NXPE4: variants seen among roughly 807,000 people sequenced by gnomAD.
The protein encoded by NXPE4 is NXPE family member 4.
Under a neutral mutation model 33.3 loss-of-function variants are expected in NXPE4, and 42 were observed. The ratio of observed to expected loss-of-function variants is 1.26; its 90% CI spans 0.98 to 1.63. The LOEUF is 1.63. Ranked by LOEUF, NXPE4 falls within the 40% of genes most tolerant of loss-of-function variation. The pLI, the probability that NXPE4 is intolerant of heterozygous loss-of-function variation, is 0.00. For synonymous variants in NXPE4, 253 were observed against 234.9 expected, an observed-to-expected ratio of 1.08 and a Z score of -0.71; for missense variants, 709 against 647.6, an observed-to-expected ratio of 1.09 and a Z score of -1.03.
chr11:114,631,396 C>G, the NXPE4 span, among the ~76,000 whole-genome samples: 1 of 151,396 alleles, frequency 6.6e-6, no homozygotes, highest in Non-Finnish European at 1.5e-5. Flanking sequence ...AATTGGAAAT[C>G]ATCATTCTCA....
the NXPE4 span, among the ~76,000 whole-genome samples, chr11:114,614,020 T>C: frequency 6.6e-6 from 1 of 151,708 alleles, no homozygotes; most frequent in Non-Finnish European, 1.5e-5. Flanking sequence ...AAATAAGTAT[T>C]GTCTCGTGGG....
chr11:114,622,602 C>T, the NXPE4 span, among the ~76,000 whole-genome samples: 1 of 151,722 alleles, frequency 6.6e-6, no homozygotes, highest in Non-Finnish European at 1.5e-5. Flanking sequence ...AGCATTACCT[C>T]GTGGGTAAAC....
the NXPE4 span, among the ~76,000 whole-genome samples, chr11:114,647,891 G>A: frequency 4.6e-5 from 7 of 151,992 alleles, no homozygotes; most frequent in African/African-American, 1.7e-4. Flanking sequence ...TAGTAGAGAC[G>A]AGGTTTCACC....
At chr11:114,571,837 T>C (rs1448594405) in intron 5 of NXPE4, among the ~76,000 whole-genome samples, 3 of 152,162 alleles carry the variant, frequency 2.0e-5, no homozygotes, top group Non-Finnish European at 2.9e-5. Context: ...CTGCAGGCTC[T>C]CTGAGATGCT....
upstream of NXPE4, among the ~76,000 whole-genome samples, chr11:114,600,477 A>G (rs1354152568): frequency 1.3e-5 from 2 of 152,162 alleles, no homozygotes; most frequent in East Asian, 1.9e-4. Context: ...CATCACGTCT[A>G]TGGTATTCTT....
At chr11:114,632,747 TTATAA>T in the NXPE4 span, among the ~76,000 whole-genome samples, 1 of 18,062 alleles carries the variant, frequency 5.5e-5, no homozygotes, top group Non-Finnish European at 9.1e-5. Flanking sequence ...ATAAAATATA[TTATAA>T]TATATCATAT....
chr11:114,585,341 A>T (rs1312889050), intron 2 of NXPE4, among the ~76,000 whole-genome samples: 3 of 152,106 alleles, frequency 2.0e-5, no homozygotes, highest in African/African-American at 7.2e-5. Context: ...ATGGTTGAGT[A>T]GATTTTAAAA....
the NXPE4 span, among the ~76,000 whole-genome samples, chr11:114,635,790 C>G: frequency 6.6e-6 from 1 of 152,046 alleles, no homozygotes; most frequent in African/African-American, 2.4e-5. Context: ...TATATTGAAC[C>G]AGGCTTGCAT....
At chr11:114,590,020 C>T (rs901913869) in intron 2 of NXPE4, among the ~76,000 whole-genome samples, 1 of 152,210 alleles carries the variant, frequency 6.6e-6, no homozygotes, top group Admixed American at 6.5e-5. Context: ...TCCTGACTCT[C>T]AATACCTGTT....
the NXPE4 span, among the ~76,000 whole-genome samples, chr11:114,602,172 TATACTATATACATTATATATAATATATA>T: frequency 9.3e-6 from 1 of 107,548 alleles, no homozygotes; most frequent in Non-Finnish European, 1.7e-5. Context: ...TATAATATAT[TATACTATATACATTATATATAATATATA>T]ATACTATATA....
At chr11:114,673,399 T>C in the NXPE4 span, among the ~76,000 whole-genome samples, 3 of 151,462 alleles carry the variant, frequency 2.0e-5, no homozygotes, top group Non-Finnish European at 3.0e-5. Context: ...ATCAATAACC[T>C]AACTTTTCAC....
the NXPE4 span, among the ~76,000 whole-genome samples, chr11:114,615,205 C>T: frequency 2.3e-4 from 35 of 151,818 alleles, no homozygotes; most frequent in African/African-American, 4.6e-4. Flanking sequence ...CACTGTTAGC[C>T]GGTGGATACT....
At chr11:114,677,931 C>G in the NXPE4 span, among the ~76,000 whole-genome samples, 2 of 152,052 alleles carry the variant, frequency 1.3e-5, no homozygotes, top group African/African-American at 2.4e-5. Flanking sequence ...CCTACATCCA[C>G]AGAATTTGCT....
At chr11:114,638,039 G>C in the NXPE4 span, among the ~76,000 whole-genome samples, 3 of 151,576 alleles carry the variant, frequency 2.0e-5, no homozygotes, top group East Asian at 5.8e-4. Context: ...AGTTCTCCTG[G>C]ATAATATCCT....
At chr11:114,614,458 C>A in the NXPE4 span, among the ~76,000 whole-genome samples, 7 of 148,074 alleles carry the variant, frequency 4.7e-5, no homozygotes, top group Admixed American at 4.7e-4. Context: ...CACTGTTACC[C>A]GCTGGATGAC....
intron 5 of NXPE4, 37 bp from the exon 6 acceptor site, chr11:114,571,510 A>T (rs960962133): frequency 2.0e-6 from 3 of 1,527,972 alleles, no homozygotes; most frequent in South Asian, 1.3e-5. Flanking sequence ...TAAAAGGAGG[A>T]TATAGTTACC....
the NXPE4 span, among the ~76,000 whole-genome samples, chr11:114,656,283 TACAA>T: frequency 1.0e-3 from 153 of 152,160 alleles, 1 homozygote; most frequent in Admixed American, 8.2e-3. Flanking sequence ...TAAGGGAGGA[TACAA>T]ACAAATGGAA....
the NXPE4 span, among the ~76,000 whole-genome samples, chr11:114,617,806 GATA>G: frequency 6.6e-6 from 1 of 152,086 alleles, no homozygotes; most frequent in African/African-American, 2.4e-5. Context: ...TTACCCGATG[GATA>G]ATAAGTGTTG....
chr11:114,628,760 T>G, the NXPE4 span, among the ~76,000 whole-genome samples: 2 of 150,956 alleles, frequency 1.3e-5, no homozygotes, highest in East Asian at 3.9e-4. Context: ...ATCAACAAAA[T>G]TGATAGAAAG....
Sources: gnomAD v4.1 joint callset for allele counts (sites outside exome capture counted in the v4.1 genomes callset) on GRCh38, gnomAD v4.1.1 for gene constraint, MANE v1.5 for transcripts, NCBI Gene and HGNC (gene_info 2026-07-23, HGNC 2026-07-21) for gene names.